PLCB4: variants seen among roughly 807,000 people sequenced by gnomAD.
PLCB4 encodes 1-phosphatidylinositol 4,5-bisphosphate phosphodiesterase beta-4.
Under a neutral mutation model 178.8 loss-of-function variants are expected in PLCB4, and 77 were observed. The observed-to-expected ratio is 0.43, with a 90% confidence interval of 0.36 to 0.52. The LOEUF (loss-of-function observed/expected upper bound fraction) is 0.52. Ranked by LOEUF, PLCB4 falls within the 20% of genes least tolerant of loss-of-function variation. The pLI is 0.00. For synonymous variants in PLCB4, 496 were observed against 490.8 expected (o/e 1.01, Z -0.14); for missense variants, 1,024 against 1,453.4 (o/e 0.70, Z 4.80).
At chr20:9,128,456 A>AC (rs1316898646) in intron 2 of PLCB4, among the ~76,000 whole-genome samples, 1 of 152,080 alleles carries the variant, frequency 6.6e-6, no homozygotes, top group Non-Finnish European at 1.5e-5. Context: ...TCACTCTGTC[A>AC]CCCAGGCTGG....
intron 3 of PLCB4, among the ~76,000 whole-genome samples, chr20:9,234,041 T>C (rs1299164635): frequency 1.3e-5 from 2 of 151,900 alleles, no homozygotes; most frequent in African/African-American, 2.4e-5. Flanking sequence ...GGTGGTGACG[T>C]AGAGAAAATA....
chr20:9,233,461 C>T (rs898414792), intron 3 of PLCB4, among the ~76,000 whole-genome samples: 1 of 151,984 alleles, frequency 6.6e-6, no homozygotes, highest in African/African-American at 2.4e-5. Context: ...CGTGAAAGAA[C>T]AGGATAATTT....
At chr20:9,456,302 G>A (rs1236374127) in intron 33 of PLCB4, among the ~76,000 whole-genome samples, 1 of 152,206 alleles carries the variant, frequency 6.6e-6, no homozygotes, top group East Asian at 1.9e-4. Context: ...GGAAAGGGAA[G>A]CTTTATTCAA....
intron 25 of PLCB4, among the ~76,000 whole-genome samples, chr20:9,414,935 G>A (rs752814173): frequency 3.3e-5 from 5 of 152,124 alleles, no homozygotes; most frequent in South Asian, 2.1e-4. Flanking sequence ...CCCACAGGCC[G>A]TACGTTCTAA....
At chr20:9,341,967 A>G (rs2033256265) in intron 7 of PLCB4, among the ~76,000 whole-genome samples, 1 of 152,176 alleles carries the variant, frequency 6.6e-6, no homozygotes, top group Non-Finnish European at 1.5e-5. Flanking sequence ...TTAATAGCAT[A>G]ATATATAAAT....
At chr20:9,204,092 C>A (rs915520770) in intron 2 of PLCB4, among the ~76,000 whole-genome samples, 9 of 151,630 alleles carry the variant, frequency 5.9e-5, no homozygotes, top group Non-Finnish European at 1.3e-4. Context: ...TTTAATAATT[C>A]TACTTCTAAT....
chr20:9,422,094 A>G (rs1030230643), intron 27 of PLCB4, among the ~76,000 whole-genome samples: 1 of 152,204 alleles, frequency 6.6e-6, no homozygotes, highest in African/African-American at 2.4e-5. Flanking sequence ...AAATCCGCAC[A>G]CCGGCAGTGC....
At chr20:9,348,099 T>A (rs1230268879) in intron 7 of PLCB4, among the ~76,000 whole-genome samples, 1 of 152,204 alleles carries the variant, frequency 6.6e-6, no homozygotes, top group African/African-American at 2.4e-5. Flanking sequence ...TGGAAATCCC[T>A]AGATAAGCTT....
At chr20:9,389,679 A>T (rs1315580244) in intron 15 of PLCB4, among the ~76,000 whole-genome samples, 200 bp from the exon 16 acceptor site, 1 of 152,188 alleles carries the variant, frequency 6.6e-6, no homozygotes, top group Non-Finnish European at 1.5e-5. Flanking sequence ...AGCTTAAAAA[A>T]TTGTCATTAA....
chr20:9,319,424 G>A (rs1305439773), intron 4 of PLCB4, among the ~76,000 whole-genome samples: 3 of 152,074 alleles, frequency 2.0e-5, no homozygotes, highest in Admixed American at 6.6e-5. Context: ...GAGCCAATGG[G>A]ATATATAGAG....
chr20:9,341,255 G>A (rs2033157060), intron 7 of PLCB4, among the ~76,000 whole-genome samples: 1 of 152,028 alleles, frequency 6.6e-6, no homozygotes, highest in African/African-American at 2.4e-5. Flanking sequence ...GTGTACTGTT[G>A]GCCCTTGAAC....
chr20:9,478,811 G>A, intron 39 of PLCB4, 110 bp from the exon 40 acceptor site: 1 of 783,578 alleles, frequency 1.3e-6, no homozygotes, highest in Non-Finnish European at 2.2e-6. Flanking sequence ...ATTTTGAGTA[G>A]CAAGGATGTG....
intron 3 of PLCB4, among the ~76,000 whole-genome samples, chr20:9,282,111 C>T (rs190517982): frequency 1.4e-3 from 212 of 151,948 alleles, no homozygotes; most frequent in Middle Eastern, 3.4e-3. Flanking sequence ...AAGCAAAGCC[C>T]GGCATCAAAA....
chr20:9,136,297 G>A (rs2092381634), intron 2 of PLCB4, among the ~76,000 whole-genome samples: 2 of 152,108 alleles, frequency 1.3e-5, no homozygotes, highest in East Asian at 1.9e-4. Flanking sequence ...AGCACCCGTA[G>A]GGGAGTGGAG....
At chr20:9,235,587 G>A (rs1013492933) in intron 3 of PLCB4, among the ~76,000 whole-genome samples, 23 of 152,142 alleles carry the variant, frequency 1.5e-4, no homozygotes, top group African/African-American at 5.1e-4. Context: ...ACAATGACTC[G>A]CTCAGCATTG....
intron 3 of PLCB4, among the ~76,000 whole-genome samples, chr20:9,233,751 A>G (rs2093960670): frequency 6.6e-6 from 1 of 152,158 alleles, no homozygotes; most frequent in South Asian, 2.1e-4. Context: ...CAAGTGGTAG[A>G]TTAAGTCAGA....
intron 2 of PLCB4, among the ~76,000 whole-genome samples, chr20:9,120,158 C>A (rs113012971): frequency 6.6e-6 from 1 of 152,156 alleles, no homozygotes; most frequent in Non-Finnish European, 1.5e-5. Context: ...ATCTGCGTTA[C>A]GGAAGTGAAC....
intron 3 of PLCB4, among the ~76,000 whole-genome samples, chr20:9,296,459 A>G (rs1248984929): frequency 6.6e-6 from 1 of 152,228 alleles, no homozygotes; most frequent in Non-Finnish European, 1.5e-5. Context: ...GCGATTCCTC[A>G]GGGATCTAGA....
At position 9,480,419 on chromosome 20, in the gene PLCB4, AC is replaced by A. The variant is rs1899035528; in HGVS notation, c.*1412del. 6.6e-6 allele frequency: 1 copy of A among 152,636 alleles called. No individual in the cohort carries two copies. The highest frequency in any genetic ancestry group is 2.4e-5 in the African/African-American group (1 of 41,448). 9.5% of individuals were successfully genotyped at this position (152,636 alleles called of 1,614,324 possible). On this transcript the variant is annotated 3_prime_UTR_variant, in exon 40 of 40. Transcript: ENST00000378473. Reference sequence around the variant, plus strand: ...TGAACAAAGCGGAGAAAATGATGATACCATCAATATTGAAATTAAACTTCCA... The same window carrying A: ...TGAACAAAGCGGAGAAAATGATGATACATCAATATTGAAATTAAACTTCCA...
Sources: gnomAD v4.1 joint callset for allele counts (sites outside exome capture counted in the v4.1 genomes callset) on GRCh38, gnomAD v4.1.1 for gene constraint, MANE v1.5 for transcripts, NCBI Gene and HGNC (gene_info 2026-07-23, HGNC 2026-07-21) for gene names.